FAM83A: variants seen among roughly 807,000 people sequenced by gnomAD.
FAM83A encodes the protein protein FAM83A.
FAM83A carries 21 observed loss-of-function variants against 24.4 expected under a neutral mutation model. The ratio of observed to expected loss-of-function variants is 0.86; its 90% confidence interval spans 0.61 to 1.24. The LOEUF is 1.24. Ranked by LOEUF, FAM83A falls within the 50% of genes most tolerant of loss-of-function variation. FAM83A has a pLI of 0.00. For synonymous variants in FAM83A, 270 were observed against 252.4 expected (o/e 1.07, Z -0.66); for missense variants, 617 against 579.8 (o/e 1.06, Z -0.66).
At chr8:123,188,091 T>G (rs973332918) in intron 1 of FAM83A, among the ~76,000 whole-genome samples, 2 of 152,032 alleles carry the variant, frequency 1.3e-5, no homozygotes, top group South Asian at 4.2e-4. Context: ...GCCAGGCTGG[T>G]CTCGAACTCC....
chr8:123,199,472 C>T lies in FAM83A; in HGVS notation c.773+5324C>T, dbSNP rs540049913. Among the ~76,000 whole-genome samples the T allele has an allele frequency of 5.2e-4, 79 of 152,234 alleles. No homozygotes were observed. In the Middle Eastern group the frequency reaches 0.01, roughly 20 times the overall value. On this transcript the variant is annotated intron_variant, in intron 3 of 3. Coordinates refer to ENST00000690554, the Ensembl canonical transcript of FAM83A. ...ATCATTGACCAGGCGCGGTGGCTCACGCCTGTAATCCCAGCACTTTGGGAG... is the reference window on the plus strand; with the variant it reads ...ATCATTGACCAGGCGCGGTGGCTCATGCCTGTAATCCCAGCACTTTGGGAG...
exon 4 of FAM83A, chr8:123,208,521 T>C (rs1056521544): frequency 4.1e-6 from 4 of 985,444 alleles, no homozygotes; most frequent in Non-Finnish European, 4.8e-6. Context: ...AGGGCTCAGC[T>C]GTCCCCAGAT....
chr8:123,179,607 G>A (rs1473549561), upstream of FAM83A: 1 of 152,230 alleles, frequency 6.6e-6, no homozygotes, highest in African/African-American at 2.4e-5. Context: ...AGGGAAGGAG[G>A]ATGAGTGGCA....
chr8:123,207,850 C>G, exon 4 of FAM83A: 1 of 1,384,594 alleles, frequency 7.2e-7, no homozygotes. Context: ...CATCCACTTG[C>G]CGGCCCCCAC....
exon 4 of FAM83A, chr8:123,208,292 G>C (rs1824631417): frequency 6.1e-6 from 6 of 985,488 alleles, no homozygotes; most frequent in East Asian, 1.1e-4. Context: ...TGAGTTGTAT[G>C]GGGGAGCCAT....
chr8:123,191,657 A>G, intron 1 of FAM83A, 146 bp from the exon 2 acceptor site: 1 of 795,880 alleles, frequency 1.3e-6, no homozygotes, highest in Non-Finnish European at 2.1e-6. Context: ...AATCCTGCCC[A>G]GTCAGACCCA....
chr8:123,190,721 G>A (rs1244858591), intron 1 of FAM83A, among the ~76,000 whole-genome samples: 1 of 152,072 alleles, frequency 6.6e-6, no homozygotes, highest in African/African-American at 2.4e-5. Flanking sequence ...AAAAGTCAAG[G>A]GTGGCACTGG....
chr8:123,208,836 G>T (rs979978797), exon 4 of FAM83A: 1 of 936,778 alleles, frequency 1.1e-6, no homozygotes, highest in Non-Finnish European at 1.3e-6. Flanking sequence ...GTGAAACCCC[G>T]TCTCTACTAA....
At chr8:123,193,107 C>G (rs1824035449) in intron 2 of FAM83A, among the ~76,000 whole-genome samples, 1 of 152,250 alleles carries the variant, frequency 6.6e-6, no homozygotes, top group Non-Finnish European at 1.5e-5. Flanking sequence ...ACCCACTCTT[C>G]CATTTCTCCA....
At chr8:123,202,184 A>C (rs897379666) in intron 3 of FAM83A, 4 of 152,554 alleles carry the variant, frequency 2.6e-5, no homozygotes, top group African/African-American at 9.7e-5. Context: ...GAACAACAAC[A>C]ACAACAAAAA....
intron 3 of FAM83A, among the ~76,000 whole-genome samples, chr8:123,204,380 G>T (rs2131103830): frequency 6.6e-6 from 1 of 152,314 alleles, no homozygotes; most frequent in South Asian, 2.1e-4. Flanking sequence ...GTGAAAATGG[G>T]TGATGAATAG....
exon 4 of FAM83A, chr8:123,207,376 C>T (rs1824591975): frequency 1.2e-6 from 2 of 1,611,548 alleles, no homozygotes; most frequent in Non-Finnish European, 1.7e-6. Flanking sequence ...ACCGCACGTC[C>T]TCCAACCCCT....
chr8:123,205,298 C>A (rs568137492), intron 3 of FAM83A, among the ~76,000 whole-genome samples: 5 of 152,278 alleles, frequency 3.3e-5, no homozygotes, highest in African/African-American at 1.2e-4. Context: ...AGCAAAGCAG[C>A]AGCTATGTTG....
intron 3 of FAM83A, chr8:123,202,885 A>T (rs1283544578): frequency 6.6e-6 from 1 of 152,130 alleles, no homozygotes; most frequent in Non-Finnish European, 1.5e-5. Flanking sequence ...AGCCAAGATA[A>T]ATCCGAAAAA....
At chr8:123,186,850 A>T (rs903750059) in intron 1 of FAM83A, among the ~76,000 whole-genome samples, 3 of 152,094 alleles carry the variant, frequency 2.0e-5, no homozygotes, top group African/African-American at 7.2e-5. Flanking sequence ...CACTTCCCTT[A>T]TTCCACAAAG....
chr8:123,202,310 G>T (rs1824389152), intron 3 of FAM83A: 1 of 152,912 alleles, frequency 6.5e-6, no homozygotes, highest in Non-Finnish European at 1.5e-5. Flanking sequence ...CAGGGCCTTT[G>T]CACTTGCTGT....
chr8:123,207,632 G>A, exon 4 of FAM83A: 1 of 1,550,048 alleles, frequency 6.5e-7, no homozygotes, highest in Non-Finnish European at 8.7e-7. Context: ...GCTGGGCCTG[G>A]TGCCGAGGCT....
upstream of FAM83A, chr8:123,182,268 A>T: frequency 2.6e-6 from 1 of 384,476 alleles, no homozygotes; most frequent in Non-Finnish European, 5.3e-6. Context: ...CGCCTGGTCA[A>T]CAGCTCTCCC....
Position 123,208,920 on chromosome 8 carries a change from C to T in FAM83A, c.*1232C>T, listed in dbSNP as rs1227313667. On this transcript the variant is annotated 3_prime_UTR_variant, in exon 4 of 4. Transcript: ENST00000690554. ...CAGAGGTTGCAATGAGCTGAGATTG[C>T]ATCACTGCACTCCAGCATGGGCAAC... is the stretch of plus-strand genomic sequence containing the variant. 36 of 974,128 alleles carry T rather than the reference C, an allele frequency of 3.7e-5. 1 individual carries two copies. In the South Asian group the frequency reaches 1.1e-3, roughly 30 times the overall value. 60.3% of individuals were successfully genotyped at this position (974,128 alleles called of 1,614,324 possible).
Sources: allele counts gnomAD v4.1 joint callset (sites outside exome capture counted in the v4.1 genomes callset), GRCh38; gene constraint gnomAD v4.1.1; transcripts MANE v1.5; gene names NCBI Gene and HGNC (gene_info 2026-07-23, HGNC 2026-07-21).